VAV3: variants seen among roughly 807,000 people sequenced by gnomAD.
VAV3 encodes the protein guanine nucleotide exchange factor VAV3.
In VAV3, 94 loss-of-function variants were observed where a neutral mutation model predicts 131.2. That is an observed-to-expected ratio of 0.72 (90% CI 0.61 to 0.85). VAV3 has a LOEUF of 0.85. VAV3 is among the 40% of genes least tolerant of loss of function. The pLI, the probability that VAV3 is intolerant of heterozygous loss-of-function variation, is 0.00. For synonymous variants in VAV3, 349 were observed against 342.0 expected (o/e 1.02, Z -0.22); for missense variants, 939 against 1,002.7 (o/e 0.94, Z 0.86).
In VAV3 at chr1:107,855,383, C is replaced by A. The variant is rs187358584; in HGVS notation, c.321+19518G>T. Among the ~76,000 whole-genome samples the A allele has an allele frequency of 2.6e-4, 39 of 152,164 alleles. No individual in the cohort carries two copies. In the East Asian group the frequency reaches 4.3e-3, roughly 17 times the overall value. On this transcript the variant is annotated intron_variant, in intron 2 of 26. Coordinates refer to ENST00000370056, the MANE Select transcript of VAV3 (RefSeq NM_006113.5). ...CCTCAACTTCCTGGATTCAAGCGAT[C>A]CTCCCACCTCAGCCTCCTGAGTAGC...
At chr1:107,660,501 A>G (rs190868757) in intron 19 of VAV3, among the ~76,000 whole-genome samples, 195 of 152,328 alleles carry the variant, frequency 1.3e-3, no homozygotes, top group African/African-American at 4.5e-3. Context: ...AGGCCAAGGC[A>G]GACCACTGGC....
Position 107,938,598 on chromosome 1 carries a change from G to A in VAV3, c.204+26068C>T, listed in dbSNP as rs181891958. ...AACAATCCAGAAGTGCCCAGTGGAT[G>A]ACTTGGTTGTCCTTTCTCTCCATGT... On this transcript the variant is annotated intron_variant, in intron 1 of 26. Coordinates refer to ENST00000370056, the MANE Select transcript of VAV3 (RefSeq NM_006113.5). 8.8e-4 allele frequency among the ~76,000 whole-genome samples: 134 copies of A among 152,302 alleles called. 2 individuals carry two copies. Among genetic ancestry groups the A allele is most frequent in the African/African-American group, 2.9e-3 (122 of 41,576 alleles).
chr1:107,871,527 G>A (rs563367697), intron 2 of VAV3, among the ~76,000 whole-genome samples: 4 of 151,844 alleles, frequency 2.6e-5, no homozygotes, highest in African/African-American at 7.2e-5. Context: ...TGTAGAAAGC[G>A]TTTCAAACTG....
intron 2 of VAV3, among the ~76,000 whole-genome samples, chr1:107,832,578 C>A (rs1380849429): frequency 6.6e-6 from 1 of 152,172 alleles, no homozygotes; most frequent in African/African-American, 2.4e-5. Context: ...AACACAAACT[C>A]CAAATTACTA....
At chr1:107,823,114 G>C (rs947930645) in intron 2 of VAV3, among the ~76,000 whole-genome samples, 1 of 152,062 alleles carries the variant, frequency 6.6e-6, no homozygotes, top group African/African-American at 2.4e-5. Context: ...ATGAGAAAGC[G>C]CTTCAAAGTC....
At chr1:107,658,538 T>G (rs991632150) in intron 19 of VAV3, among the ~76,000 whole-genome samples, 56 of 152,216 alleles carry the variant, frequency 3.7e-4, no homozygotes, top group South Asian at 1.2e-3. Flanking sequence ...ACTTCCACAA[T>G]GGTTGAACTA....
chr1:107,866,822 CAAAAAAA>C (rs66866060), intron 2 of VAV3, among the ~76,000 whole-genome samples: 9 of 59,196 alleles, frequency 1.5e-4, no homozygotes, highest in East Asian at 7.6e-4. Flanking sequence ...GACTCCATCT[CAAAAAAA>C]AAAAAAAAAA....
At chr1:107,603,954 T>C (rs1237903134) in intron 22 of VAV3, among the ~76,000 whole-genome samples, 14 of 152,002 alleles carry the variant, frequency 9.2e-5, no homozygotes, top group Non-Finnish European at 1.6e-4. Flanking sequence ...ACCGGTGTGG[T>C]TGATATTTTT....
At chr1:107,812,861 C>T (rs746691024) in intron 2 of VAV3, among the ~76,000 whole-genome samples, 18 of 152,090 alleles carry the variant, frequency 1.2e-4, no homozygotes, top group Admixed American at 3.9e-4. Context: ...CGGTGGCTCA[C>T]GCCTGTAATC....
chr1:107,713,349 C>A, intron 15 of VAV3, among the ~76,000 whole-genome samples: 2 of 150,680 alleles, frequency 1.3e-5, no homozygotes, highest in East Asian at 1.9e-4. Context: ...AAAAACAAAC[C>A]CAAACTTTTA....
rs116325996 is a variant in VAV3, at chr1:107,887,903, A to G, written c.205-12886T>C. On this transcript the variant is annotated intron_variant, in intron 1 of 26. Transcript: ENST00000370056. ...TGCTTTGTCATTTTTGTGACAATTA[A>G]GTAGGAAATATGCATCATTAAACTT... 8.7e-3 allele frequency among the ~76,000 whole-genome samples: 1,331 copies of G among 152,260 alleles called. 7 individuals carry two copies. Among genetic ancestry groups the G allele is most frequent in the Non-Finnish European group, 0.016 (1,056 of 68,030 alleles).
chr1:107,717,154 GTCTA>G (rs57165709), intron 15 of VAV3, among the ~76,000 whole-genome samples: 1,570 of 152,182 alleles, frequency 0.01, 31 homozygotes, highest in African/African-American at 0.034. Context: ...CTTGCTAGCA[GTCTA>G]TCTATTTTGT....
chr1:107,766,580 G>A (rs761473131), intron 7 of VAV3, 30 bp from the exon 8 acceptor site: 1 of 1,579,554 alleles, frequency 6.3e-7, no homozygotes, highest in South Asian at 1.1e-5. Context: ...TGAAAGGAAA[G>A]TAGGAATAAC....
At chr1:107,960,246 C>T (rs1012968596) in intron 1 of VAV3, among the ~76,000 whole-genome samples, 6 of 152,116 alleles carry the variant, frequency 3.9e-5, no homozygotes, top group Non-Finnish European at 7.4e-5. Context: ...GGCGGGTGGA[C>T]TGCCTGAGCT....
chr1:107,813,072 G>A (rs75570391), intron 2 of VAV3, among the ~76,000 whole-genome samples: 18,271 of 150,442 alleles, frequency 0.12, 1,251 homozygotes, highest in East Asian at 0.24. Context: ...GCAGTGAGCC[G>A]AGATTGCGTG....
intron 2 of VAV3, among the ~76,000 whole-genome samples, chr1:107,787,151 T>C (rs1490949126): frequency 6.6e-6 from 1 of 152,154 alleles, no homozygotes; most frequent in Non-Finnish European, 1.5e-5. Flanking sequence ...TTGCTCCAGG[T>C]TAAACAACTA....
intron 14 of VAV3, 59 bp downstream of exon 14, chr1:107,749,403 C>A (rs1663560833): frequency 6.6e-7 from 1 of 1,509,958 alleles, no homozygotes; most frequent in South Asian, 1.3e-5. Flanking sequence ...TATTATCATA[C>A]TTTTCCTTAA....
chr1:107,621,240 A>G (rs1653577745), intron 20 of VAV3, among the ~76,000 whole-genome samples: 1 of 152,120 alleles, frequency 6.6e-6, no homozygotes, highest in Non-Finnish European at 1.5e-5. Context: ...AAATGGTCAT[A>G]GGCATTCTGT....
Position 107,965,055 on chromosome 1 carries a change from C to A in VAV3, c.-186G>T, listed in dbSNP as rs1297785617. 4.1e-6 allele frequency: 1 copy of A among 246,826 alleles called. No homozygotes were observed. Among genetic ancestry groups the A allele is most frequent in the East Asian group, 1.7e-4 (1 of 6,008 alleles). 15.3% of individuals were successfully genotyped at this position (246,826 alleles called of 1,614,324 possible). On this transcript the variant is annotated 5_prime_UTR_variant, in exon 1 of 27. Coordinates refer to ENST00000370056, the MANE Select transcript of VAV3 (RefSeq NM_006113.5). Reference sequence around the variant, plus strand: ...GCGCCGCGCTAGGCTCGGCTCCGGTCCCGGCCCGGGTGCGCCGCGACCCGG... The same window carrying A: ...GCGCCGCGCTAGGCTCGGCTCCGGTACCGGCCCGGGTGCGCCGCGACCCGG...
Sources: allele counts gnomAD v4.1 joint callset (sites outside exome capture counted in the v4.1 genomes callset), GRCh38; gene constraint gnomAD v4.1.1; transcripts MANE v1.5; gene names NCBI Gene and HGNC (gene_info 2026-07-23, HGNC 2026-07-21).